QSOX2: variants seen among roughly 807,000 people sequenced by gnomAD.
QSOX2 encodes sulfhydryl oxidase 2.
A neutral mutation model predicts 61.7 loss-of-function variants in QSOX2; 46 were observed. That is an observed-to-expected ratio of 0.75 (90% CI 0.59 to 0.95). The LOEUF is 0.95. QSOX2 is among the 40% of genes least tolerant of loss of function. The pLI, the probability that QSOX2 is intolerant of heterozygous loss-of-function variation, is 0.00. For synonymous variants in QSOX2, 383 were observed against 388.4 expected (o/e 0.99, Z 0.16); for missense variants, 879 against 918.9 (o/e 0.96, Z 0.56).
intron 1 of QSOX2, among the ~76,000 whole-genome samples, chr9:136,243,281 C>T (rs1830446905): frequency 6.6e-6 from 1 of 152,226 alleles, no homozygotes; most frequent in Non-Finnish European, 1.5e-5. Context: ...CTTTCTAGGT[C>T]TTTCCTGGAT....
At chr9:136,226,587 C>A (rs1401505867) in intron 2 of QSOX2, among the ~76,000 whole-genome samples, 187 bp downstream of exon 2, 2 of 152,168 alleles carry the variant, frequency 1.3e-5, no homozygotes, top group African/African-American at 4.8e-5. Flanking sequence ...CAGGGTGGAA[C>A]AAGAGCTGCC....
chr9:136,218,614 C>T, intron 8 of QSOX2, 65 bp downstream of exon 8: 4 of 1,555,514 alleles, frequency 2.6e-6, no homozygotes, highest in East Asian at 2.3e-5. Flanking sequence ...GTCCGACGCC[C>T]CCCAGGGCCC....
chr9:136,208,903 G>GC lies in QSOX2; in HGVS notation c.1921dup (p.Ala641GlyfsTer15). The stretch of plus-strand genomic sequence containing the variant: ...TGCGGCCCCGCCCACCTCCTTGTGG[G>GC]CCCCGGGCCCATCCAGACTCTGGAG... On this transcript the variant is annotated frameshift_variant, in exon 12 of 12. Coordinates refer to ENST00000358701, the MANE Select transcript of QSOX2 (RefSeq NM_181701.4). LOFTEE classifies it low-confidence loss of function (END_TRUNC). The GC allele has an allele frequency of 6.2e-7, 1 of 1,613,950 alleles. No homozygotes were observed. The highest frequency in any genetic ancestry group is 1.7e-5 in the Admixed American group (1 of 60,032).
Position 136,209,170 on chromosome 9 carries a change from C to T in QSOX2, c.1655G>A (p.Gly552Asp). ...CTGCTTCAAGAATGTGAGCACGTGG[C>T]CTTCATCCCAGCTGGCCAGGCCCTT... ...EIKGLASWDE[G>D]HVLTFLKQHY... The change falls in exon 12 of 12, where the codon GGC becomes GAC. Residue 552 changes from glycine to aspartate, a missense_variant. Coordinates refer to ENST00000358701, the MANE Select transcript of QSOX2 (RefSeq NM_181701.4). The surrounding 1 kb of genome is among the most constrained non-coding windows in gnomAD (Gnocchi z 5.6). 1 of 1,614,156 alleles carries T rather than the reference C, an allele frequency of 6.2e-7. No homozygotes were observed. The highest frequency in any genetic ancestry group is 8.5e-7 in the Non-Finnish European group (1 of 1,180,026).
rs1023067220 is a variant in QSOX2 at position 136,218,331 on chromosome 9, C to T, written c.1086+348G>A. 2.0e-5 allele frequency among the ~76,000 whole-genome samples: 3 copies of T among 152,214 alleles called. No homozygotes were observed. The East Asian group carries it at 5.8e-4, about 29-fold the overall frequency. On this transcript the variant is annotated intron_variant, in intron 8 of 11. Transcript: ENST00000358701. ...TCTCCCTCTCTCTCTCCCCCCAGCC[C>T]CCGTGCAGCGCTCCTCTGAGAGCCA...
intron 1 of QSOX2, among the ~76,000 whole-genome samples, chr9:136,230,388 TC>T (rs1830319560): frequency 6.6e-6 from 1 of 152,144 alleles, no homozygotes; most frequent in Non-Finnish European, 1.5e-5. Context: ...AGTAAACAAC[TC>T]TGTAACACCT....
At chr9:136,224,446 C>T (rs1830260419) in intron 3 of QSOX2, among the ~76,000 whole-genome samples, 1 of 151,938 alleles carries the variant, frequency 6.6e-6, no homozygotes, top group Admixed American at 6.5e-5. Flanking sequence ...CCCCCCAGGG[C>T]GCGGCGAGGA....
At chr9:136,220,532 C>T (rs1260206335) in intron 6 of QSOX2, among the ~76,000 whole-genome samples, 1 of 152,156 alleles carries the variant, frequency 6.6e-6, no homozygotes, top group African/African-American at 2.4e-5. Context: ...GTGGCTAAAC[C>T]AGCACATGCT....
At chr9:136,224,191 C>G in intron 3 of QSOX2, 79 bp from the exon 4 acceptor site, 1 of 1,127,874 alleles carries the variant, frequency 8.9e-7, no homozygotes, top group Non-Finnish European at 1.3e-6. Flanking sequence ...GACAGCAGCC[C>G]CGTCCCAGCC....
intron 10 of QSOX2, 136 bp downstream of exon 10, chr9:136,215,018 G>A: frequency 9.5e-7 from 1 of 1,057,660 alleles, no homozygotes; most frequent in East Asian, 2.7e-5. Context: ...AGAGGAGTCT[G>A]AAGTGCCATT....
chr9:136,211,386 C>T lies in QSOX2; in HGVS notation c.1427G>A (p.Cys476Tyr), dbSNP rs746010500. 6.2e-6 allele frequency: 10 copies of T among 1,614,100 alleles called. No individual in the cohort carries two copies. The highest frequency in any genetic ancestry group is 6.8e-6 in the Non-Finnish European group (8 of 1,180,044). Residue 476 changes from cysteine to tyrosine, a missense_variant, in exon 11 of 12, where the codon TGT becomes TAT. Cys to Tyr is a radical substitution (Grantham distance 194). Coordinates refer to ENST00000358701, the MANE Select transcript of QSOX2 (RefSeq NM_181701.4). ...CTCAAAGTGCTCACCACATTCCTTA[C>T]ACCCAAAGAAGGTGTGAACGTACCT... ...MRRYVHTFFG[C>Y]KECGEHFEEM...
intron 1 of QSOX2, among the ~76,000 whole-genome samples, chr9:136,234,406 G>GT (rs1463696261): frequency 1.3e-5 from 2 of 152,198 alleles, no homozygotes; most frequent in African/African-American, 2.4e-5. Flanking sequence ...AACTGCACAC[G>GT]TAACGGGAGT....
At chr9:136,232,751 T>C (rs771303847) in intron 1 of QSOX2, among the ~76,000 whole-genome samples, 135 of 151,546 alleles carry the variant, frequency 8.9e-4, no homozygotes, top group Admixed American at 4.6e-4. Context: ...CTGGGCAACA[T>C]AGGGAGTCCC....
chr9:136,238,601 C>G (rs935677471), intron 1 of QSOX2, among the ~76,000 whole-genome samples: 3 of 152,238 alleles, frequency 2.0e-5, no homozygotes, highest in African/African-American at 7.2e-5. Flanking sequence ...AACCCTCCCT[C>G]TGCCCCTCAG....
At chr9:136,240,879 T>A (rs1830428148) in intron 1 of QSOX2, among the ~76,000 whole-genome samples, 1 of 152,228 alleles carries the variant, frequency 6.6e-6, no homozygotes, top group Non-Finnish European at 1.5e-5. Flanking sequence ...ATGCTGTTTA[T>A]CTGTTGGTAG....
intron 1 of QSOX2, among the ~76,000 whole-genome samples, chr9:136,236,067 C>T (rs903725132): frequency 6.6e-6 from 1 of 152,218 alleles, no homozygotes; most frequent in Non-Finnish European, 1.5e-5. Flanking sequence ...ATGGGGGCTG[C>T]ACCCCACCAA....
intron 9 of QSOX2, 62 bp from the exon 10 acceptor site, chr9:136,215,366 A>T: frequency 8.0e-7 from 1 of 1,244,302 alleles, no homozygotes; most frequent in Non-Finnish European, 1.1e-6. Flanking sequence ...AATTAAAAAC[A>T]GTCGACAGCT....
At chr9:136,218,335 T>TGCAGC (rs556650887) in intron 8 of QSOX2, among the ~76,000 whole-genome samples, 115 of 152,258 alleles carry the variant, frequency 7.6e-4, no homozygotes, top group African/African-American at 2.6e-3. Context: ...CCAGCCCCCG[T>TGCAGC]GCAGCGCTCC....
At chr9:136,226,197 T>C (rs1356337989) in intron 2 of QSOX2, among the ~76,000 whole-genome samples, 1 of 152,210 alleles carries the variant, frequency 6.6e-6, no homozygotes, top group Non-Finnish European at 1.5e-5. Flanking sequence ...TTTCTGGAGA[T>C]GTCCATGTCA....
Sources: gnomAD v4.1 joint callset for allele counts (sites outside exome capture counted in the v4.1 genomes callset) on GRCh38, gnomAD v4.1.1 for gene constraint, Gnocchi (gnomAD v3.1) non-coding constraint, MANE v1.5 for transcripts, NCBI Gene and HGNC (gene_info 2026-07-23, HGNC 2026-07-21) for gene names.